Variants in CACNA2D3 observed in about 807,000 individuals in gnomAD.
CACNA2D3 encodes the protein calcium voltage-gated channel auxiliary subunit alpha2delta 3.
Under a neutral mutation model 160.6 loss-of-function variants are expected in CACNA2D3, and 60 were observed. That is an observed-to-expected ratio of 0.37 (90% CI 0.30 to 0.46). The LOEUF (loss-of-function observed/expected upper bound fraction) is 0.46, where lower values mean the gene tolerates loss of function less well. Ranked by LOEUF, CACNA2D3 falls within the 20% of genes least tolerant of loss-of-function variation. The pLI, the probability that CACNA2D3 is intolerant of heterozygous loss-of-function variation, is 1.00. For missense variants in CACNA2D3, 1,205 were observed against 1,365.0 expected (o/e 0.88, Z 1.85); for synonymous variants, 558 against 492.9 (o/e 1.13, Z -1.75).
intron 4 of CACNA2D3, among the ~76,000 whole-genome samples, chr3:54,411,787 G>C (rs1699672260): frequency 6.6e-6 from 1 of 152,056 alleles, no homozygotes; most frequent in East Asian, 1.9e-4. Context: ...CTAAACAAAG[G>C]GGATAGAAAG....
In CACNA2D3 at chr3:54,530,156, C is replaced by A. The variant is rs554311305; in HGVS notation, c.544+26502C>A. Among the ~76,000 whole-genome samples the A allele has an allele frequency of 2.6e-5, 4 of 152,312 alleles. No individual in the cohort carries two copies. In the East Asian group the frequency reaches 7.7e-4, roughly 29 times the overall value. ...GGGATTCCTTAGCACAGTTCAGTTT[C>A]TTTGTTGCTTCCTTCAGTGACACCA... is the stretch of plus-strand genomic sequence containing the variant. On this transcript the variant is annotated intron_variant, in intron 5 of 37. Transcript: ENST00000474759.
rs369268757 is a variant in CACNA2D3, at chr3:54,855,706, C to T, written c.1626+9239C>T. On this transcript the variant is annotated intron_variant, in intron 17 of 37. Transcript: ENST00000474759. The stretch of plus-strand genomic sequence containing the variant: ...TGATTCATTCATTATTTATCTATCT[C>T]CCATTGTAGTGGGAGTGGAGAATTT... 2.6e-5 allele frequency among the ~76,000 whole-genome samples: 4 copies of T among 152,202 alleles called. No homozygotes were observed. In the East Asian group the frequency reaches 5.8e-4, roughly 22 times the overall value.
intron 2 of CACNA2D3, among the ~76,000 whole-genome samples, chr3:54,267,199 T>G (rs1207282510): frequency 6.6e-6 from 1 of 152,190 alleles, no homozygotes; most frequent in Non-Finnish European, 1.5e-5. Context: ...GTGTACTCAT[T>G]TGTACTCAGT....
intron 21 of CACNA2D3, among the ~76,000 whole-genome samples, chr3:54,884,705 G>T (rs911774567): frequency 1.3e-5 from 2 of 152,146 alleles, no homozygotes; most frequent in African/African-American, 2.4e-5. Context: ...CTTCCCAGGC[G>T]GATGACCGTT....
intron 5 of CACNA2D3, among the ~76,000 whole-genome samples, chr3:54,510,230 A>G (rs1274704003): frequency 1.3e-5 from 2 of 151,800 alleles, no homozygotes; most frequent in Middle Eastern, 3.4e-3. Flanking sequence ...GGATGGATGG[A>G]TGGATGAATG....
chr3:55,007,068 G>A (rs914595105), intron 32 of CACNA2D3, among the ~76,000 whole-genome samples: 2 of 152,126 alleles, frequency 1.3e-5, no homozygotes, highest in Admixed American at 6.5e-5. Context: ...CAACTGAGGG[G>A]GAGACTTGGT....
At chr3:54,389,061 T>C (rs1282275446) in intron 4 of CACNA2D3, among the ~76,000 whole-genome samples, 1 of 152,080 alleles carries the variant, frequency 6.6e-6, no homozygotes, top group Non-Finnish European at 1.5e-5. Context: ...TCCCAGCACG[T>C]TGGGAGGCCA....
chr3:54,505,074 C>T (rs1459238583), intron 5 of CACNA2D3, among the ~76,000 whole-genome samples: 1 of 152,228 alleles, frequency 6.6e-6, no homozygotes, highest in Non-Finnish European at 1.5e-5. Context: ...TTTTCTTACG[C>T]GTGTTGGATA....
chr3:55,067,102 G>GGA (rs1416853158), intron 35 of CACNA2D3, among the ~76,000 whole-genome samples: 1 of 140,058 alleles, frequency 7.1e-6, no homozygotes, highest in South Asian at 2.3e-4. Context: ...CTTTTGTAGC[G>GGA]GGGGGGGCTT....
chr3:55,009,356 A>C (rs773191738), intron 33 of CACNA2D3, 32 bp from the exon 34 acceptor site: 1 of 1,601,752 alleles, frequency 6.2e-7, no homozygotes, highest in Non-Finnish European at 8.6e-7. Flanking sequence ...TGGATGACGA[A>C]GTAACATTGG....
intron 13 of CACNA2D3, among the ~76,000 whole-genome samples, chr3:54,799,946 T>G (rs972941826): frequency 1.3e-5 from 2 of 152,214 alleles, no homozygotes; most frequent in African/African-American, 2.4e-5. Flanking sequence ...GCATAGTGTT[T>G]CCTTATATAG....
intron 27 of CACNA2D3, among the ~76,000 whole-genome samples, chr3:54,962,955 A>G (rs186845414): frequency 1.3e-5 from 2 of 152,268 alleles, no homozygotes; most frequent in East Asian, 1.9e-4. Context: ...TTCTAATTTT[A>G]TATGTTTTAT....
At chr3:54,336,887 A>G (rs1414162558) in intron 3 of CACNA2D3, among the ~76,000 whole-genome samples, 3 of 152,234 alleles carry the variant, frequency 2.0e-5, no homozygotes, top group Non-Finnish European at 4.4e-5. Flanking sequence ...CATTTTCTAT[A>G]AACACATGCC....
intron 2 of CACNA2D3, among the ~76,000 whole-genome samples, chr3:54,149,930 T>TCTCTCTCTCTCTCTCC (rs1559863338): frequency 5.9e-4 from 24 of 40,428 alleles, no homozygotes; most frequent in Non-Finnish European, 9.3e-4. Flanking sequence ...TCTCTCTCTC[T>TCTCTCTCTCTCTCTCC]CCCTCCCTCC....
intron 2 of CACNA2D3, among the ~76,000 whole-genome samples, chr3:54,317,012 G>A (rs767828907): frequency 3.3e-5 from 5 of 152,126 alleles, no homozygotes; most frequent in Non-Finnish European, 7.4e-5. Context: ...ATAAATATTA[G>A]ACTGCATTAG....
intron 11 of CACNA2D3, among the ~76,000 whole-genome samples, chr3:54,737,054 C>G (rs929314585): frequency 6.6e-6 from 1 of 152,074 alleles, no homozygotes. Context: ...ATGGATTATC[C>G]CCACTTAGCT....
At chr3:54,462,221 T>A (rs575834510) in intron 4 of CACNA2D3, among the ~76,000 whole-genome samples, 2 of 152,286 alleles carry the variant, frequency 1.3e-5, no homozygotes, top group South Asian at 4.1e-4. Context: ...TTGGAATAGG[T>A]GTGGTGTGGT....
At chr3:54,894,168 G>A (rs1283234605) in intron 25 of CACNA2D3, among the ~76,000 whole-genome samples, 6 of 152,142 alleles carry the variant, frequency 3.9e-5, no homozygotes, top group Non-Finnish European at 7.4e-5. Context: ...GTATCCAGGA[G>A]GAGACTTTCA....
chr3:54,400,863 A>G (rs976162840), intron 4 of CACNA2D3, among the ~76,000 whole-genome samples: 1 of 152,186 alleles, frequency 6.6e-6, no homozygotes, highest in Non-Finnish European at 1.5e-5. Flanking sequence ...GGACATTGCC[A>G]AAGTAACACA....
Sources: allele counts gnomAD v4.1 joint callset (sites outside exome capture counted in the v4.1 genomes callset), GRCh38; gene constraint gnomAD v4.1.1; transcripts MANE v1.5; gene names NCBI Gene and HGNC (gene_info 2026-07-23, HGNC 2026-07-21).